The following ATP6V0A1 variants were observed in gnomAD, a reference collection of about 807,000 sequenced individuals.
ATP6V0A1 encodes the protein V-type proton ATPase 116 kDa subunit a 1.
ATP6V0A1 carries 43 observed loss-of-function variants against 105.4 expected under a neutral mutation model. The ratio of observed to expected loss-of-function variants is 0.41; its 90% CI spans 0.32 to 0.53. The LOEUF is 0.53. Ranked by LOEUF, ATP6V0A1 falls within the 20% of genes least tolerant of loss-of-function variation. ATP6V0A1 has a pLI of 0.30. For synonymous variants in ATP6V0A1, 362 were observed against 372.8 expected (o/e 0.97, Z 0.33); for missense variants, 676 against 1,051.1 (o/e 0.64, Z 4.93).
chr17:42,504,280 A>T (rs1273580230), intron 17 of ATP6V0A1, among the ~76,000 whole-genome samples: 1 of 151,898 alleles, frequency 6.6e-6, no homozygotes, highest in Non-Finnish European at 1.5e-5. Flanking sequence ...TCACAGTTTA[A>T]TTTTTCTTTT....
Position 42,495,081 on chromosome 17 carries a change from T to C in ATP6V0A1, c.1362T>C (p.Gly454=). ...GTCGATACATTATTTTATTGATGGG[T>C]GTGTTCTCCATGTACACTGGCCTCA... ...FSGRYIILLM[G]VFSMYTGLIY... is the part of the protein sequence containing the mutation. The change falls in exon 13 of 22, where the codon GGT becomes GGC. Residue 454 remains glycine, a synonymous_variant. Coordinates refer to ENST00000343619, the MANE Select transcript of ATP6V0A1 (RefSeq NM_001130021.3). The C allele has an allele frequency of 6.2e-7, 1 of 1,614,032 alleles. No individual in the cohort carries two copies.
intron 1 of ATP6V0A1, chr17:42,460,118 G>C (rs890602566): frequency 4.6e-5 from 7 of 152,306 alleles, no homozygotes; most frequent in African/African-American, 1.7e-4. Flanking sequence ...CTTGAAGGTA[G>C]GGTTGAGAAA....
At position 42,468,059 on chromosome 17, in the gene ATP6V0A1, C is replaced by T. The variant is rs916402867; in HGVS notation, c.246C>T (p.Thr82=). 12 of 1,604,236 alleles carry T rather than the reference C, an allele frequency of 7.5e-6. No homozygotes were observed. The East Asian group carries it at 1.1e-4, about 15-fold the overall frequency. The change falls in exon 4 of 22, where the codon ACC becomes ACT. Residue 82 remains threonine (T), a synonymous_variant. Coordinates refer to ENST00000343619, the MANE Select transcript of ATP6V0A1 (RefSeq NM_001130021.3). ...IRKANIPIMD[T]GENPEVPFPR... ...AAGCTAACATTCCGATTATGGACACCGGTGAAAACCCAGAGGTTCCCTTCC... is the reference window on the plus strand; with the variant it reads ...AAGCTAACATTCCGATTATGGACACTGGTGAAAACCCAGAGGTTCCCTTCC...
At chr17:42,506,614 T>TG (rs941427523) in intron 17 of ATP6V0A1, among the ~76,000 whole-genome samples, 8 of 152,248 alleles carry the variant, frequency 5.3e-5, no homozygotes, top group Admixed American at 1.3e-4. Flanking sequence ...GAAGTGATTC[T>TG]GGGGGCTGCT....
chr17:42,502,628 G>A (rs1372482918), intron 17 of ATP6V0A1, among the ~76,000 whole-genome samples: 3 of 152,068 alleles, frequency 2.0e-5, no homozygotes, highest in Non-Finnish European at 4.4e-5. Context: ...ACTCTTAAAC[G>A]GCTGTTAGAT....
intron 14 of ATP6V0A1, among the ~76,000 whole-genome samples, chr17:42,497,654 CAG>C (rs796366992): frequency 5.3e-4 from 79 of 148,482 alleles, no homozygotes; most frequent in African/African-American, 2.0e-3. Flanking sequence ...GCCTGGGCGA[CAG>C]AGTAAGACTC....
intron 21 of ATP6V0A1, among the ~76,000 whole-genome samples, chr17:42,515,134 G>A (rs1001868695): frequency 1.3e-5 from 2 of 152,124 alleles, no homozygotes; most frequent in African/African-American, 4.8e-5. Flanking sequence ...GGTCTGGGCT[G>A]TGACCACCTC....
chr17:42,480,343 C>T (rs534363193), intron 7 of ATP6V0A1: 2 of 167,678 alleles, frequency 1.2e-5, no homozygotes, highest in East Asian at 3.3e-4. Flanking sequence ...CTCTCCTATA[C>T]TTTCATCATT....
At position 42,483,022 on chromosome 17, in the gene ATP6V0A1, T is replaced by C. The variant is rs762123399; in HGVS notation, c.717-16T>C. On this transcript the variant is annotated splice_polypyrimidine_tract_variant and intron_variant, in intron 8 of 21. Coordinates refer to ENST00000343619, the MANE Select transcript of ATP6V0A1 (RefSeq NM_001130021.3). ...AATTAGATAAGTTAAGAAACTTCGATGTTCTTATATTCCAGGTTCCGAGCC... is the reference window on the plus strand; with the variant it reads ...AATTAGATAAGTTAAGAAACTTCGACGTTCTTATATTCCAGGTTCCGAGCC... 7 of 1,434,366 alleles carry C rather than the reference T, an allele frequency of 4.9e-6. No individual in the cohort carries two copies. In the South Asian group the frequency reaches 6.5e-5, roughly 13 times the overall value. 88.9% of individuals were successfully genotyped at this position (1,434,366 alleles called of 1,614,324 possible).
chr17:42,464,342 A>G (rs2086780915), intron 2 of ATP6V0A1, among the ~76,000 whole-genome samples: 1 of 152,020 alleles, frequency 6.6e-6, no homozygotes, highest in African/African-American at 2.4e-5. Context: ...TAATATTAAT[A>G]TATTGAGTTC....
intron 9 of ATP6V0A1, among the ~76,000 whole-genome samples, chr17:42,486,827 T>C (rs1384817459): frequency 1.3e-5 from 2 of 152,228 alleles, no homozygotes; most frequent in African/African-American, 2.4e-5. Flanking sequence ...ATTCCCCACA[T>C]AGAAAGTCGT....
At chr17:42,493,354 A>AGC (rs1472177542) in intron 11 of ATP6V0A1, among the ~76,000 whole-genome samples, 1 of 152,204 alleles carries the variant, frequency 6.6e-6, no homozygotes, top group East Asian at 1.9e-4. Flanking sequence ...TCTGATATTT[A>AGC]GCTTTATATC....
At position 42,500,684 on chromosome 17, in the gene ATP6V0A1, AT is replaced by A. The variant is rs775992510; in HGVS notation, c.1680-16del. The A allele has an allele frequency of 1.9e-6, 3 of 1,589,562 alleles. No homozygotes were observed. The African/African-American group carries it at 4.0e-5, about 21-fold the overall frequency. ...GGCCCTAGGCCCATTTACCCTTAAC[AT>A]TTTTTTCTCTCTCCTTTTTAGCTAT... On this transcript the variant is annotated intron_variant, in intron 15 of 21. Coordinates refer to ENST00000343619, the MANE Select transcript of ATP6V0A1 (RefSeq NM_001130021.3).
Position 42,468,110 on chromosome 17 carries a change from A to G in ATP6V0A1, c.294+3A>G, listed in dbSNP as rs752172229. On this transcript the variant is annotated splice_donor_region_variant and intron_variant, in intron 4 of 21. Coordinates refer to ENST00000343619, the MANE Select transcript of ATP6V0A1 (RefSeq NM_001130021.3). ...CCCGGGACATGATTGACTTAGAGGT[A>G]AACACTTCTGGGAAAACCAGAAAAG... 10 of 1,572,140 alleles carry G rather than the reference A, an allele frequency of 6.4e-6. No individual in the cohort carries two copies. The East Asian group carries it at 1.6e-4, about 26-fold the overall frequency.
At position 42,521,246 on chromosome 17, in the gene ATP6V0A1, G is replaced by C; in HGVS notation, c.*126G>C. On this transcript the variant is annotated 3_prime_UTR_variant, in exon 22 of 22. Transcript: ENST00000343619. This position sits in a 1 kb window ranked among gnomAD's most constrained non-coding sequence, Gnocchi z 4.8. ...CTCATTCGTGTCACCCTGTCTGTGA[G>C]TCATTTAGATAGAATAGTCCTCCTT... 6.1e-6 allele frequency: 5 copies of C among 813,662 alleles called. No individual in the cohort carries two copies. The highest frequency in any genetic ancestry group is 5.7e-5 in the South Asian group (3 of 52,656). 50.4% of individuals were successfully genotyped at this position (813,662 alleles called of 1,614,324 possible).
chr17:42,487,985 G>C (rs1235140022), intron 10 of ATP6V0A1, among the ~76,000 whole-genome samples: 2 of 152,066 alleles, frequency 1.3e-5, no homozygotes, highest in African/African-American at 4.8e-5. Flanking sequence ...TCATGGCCAG[G>C]GCATCAGTTT....
intron 21 of ATP6V0A1, chr17:42,518,372 C>T (rs1269231010): frequency 6.6e-6 from 1 of 152,232 alleles, no homozygotes; most frequent in Non-Finnish European, 1.5e-5. Flanking sequence ...AATGGCTGCC[C>T]AGGAGAACTC....
chr17:42,473,543 G>T (rs2088288770), intron 5 of ATP6V0A1, among the ~76,000 whole-genome samples: 1 of 152,154 alleles, frequency 6.6e-6, no homozygotes, highest in Admixed American at 6.5e-5. Flanking sequence ...TGTAAACCTG[G>T]CCTTGTAGTC....
At chr17:42,489,312 C>G (rs2090414037) in intron 10 of ATP6V0A1, among the ~76,000 whole-genome samples, 2 of 151,946 alleles carry the variant, frequency 1.3e-5, no homozygotes, top group African/African-American at 4.8e-5. Context: ...AACTCCTGAC[C>G]TCAGGTGATC....
Sources: allele counts gnomAD v4.1 joint callset (sites outside exome capture counted in the v4.1 genomes callset), GRCh38; gene constraint gnomAD v4.1.1; non-coding constraint Gnocchi (gnomAD v3.1); transcripts MANE v1.5; gene names NCBI Gene and HGNC (gene_info 2026-07-23, HGNC 2026-07-21).